Variants in KDM5B observed in about 807,000 individuals in gnomAD.
KDM5B encodes the protein lysine-specific demethylase 5B.
Under a neutral mutation model 193.4 loss-of-function variants are expected in KDM5B, and 144 were observed. The ratio of observed to expected loss-of-function variants is 0.74; its 90% CI spans 0.65 to 0.86. The LOEUF is 0.86. Among genes scored for constraint, KDM5B ranks in the 40% least tolerant of loss-of-function variants. KDM5B has a pLI of 0.00. For missense variants in KDM5B, 1,833 were observed against 1,886.9 expected (o/e 0.97, Z 0.53); for synonymous variants, 668 against 682.6 (o/e 0.98, Z 0.33).
At chr1:202,742,589 G>C in intron 17 of KDM5B, 66 bp downstream of exon 17, 1 of 1,604,848 alleles carries the variant, frequency 6.2e-7, no homozygotes, top group Non-Finnish European at 8.5e-7. Context: ...TTCAAGACAG[G>C]AGTCACAACA....
chr1:202,807,943 C>T (rs1352877000), intron 1 of KDM5B, among the ~76,000 whole-genome samples, 159 bp downstream of exon 1: 1 of 151,950 alleles, frequency 6.6e-6, no homozygotes, highest in African/African-American at 2.4e-5. Context: ...CCGTCTTCCT[C>T]CCCCGGCCTC....
chr1:202,774,914 G>A (rs1053276297), intron 2 of KDM5B, among the ~76,000 whole-genome samples, 179 bp from the exon 3 acceptor site: 1 of 152,026 alleles, frequency 6.6e-6, no homozygotes, highest in Admixed American at 6.6e-5. Flanking sequence ...GTGAGAAACG[G>A]CCAAAAATAC....
Position 202,808,138 on chromosome 1 carries a change from G to A in KDM5B, c.168C>T (p.Ala56=), listed in dbSNP as rs150129345. The A allele has an allele frequency of 4.2e-5, 67 of 1,612,640 alleles. No homozygotes were observed. The African/African-American group carries it at 5.9e-4, about 14-fold the overall frequency. ...FAFIHKIRPI[A]EQTGICKVRP... is the part of the protein sequence containing the mutation. ...GCACCTTACAGATGCCAGTCTGCTC[G>A]GCTATGGGCCGGATCTTGTGGATGA... The change falls in exon 1 of 27, where the codon GCC becomes GCT. Residue 56 remains alanine, a synonymous_variant. Transcript: ENST00000367265.
chr1:202,730,008 T>C lies in KDM5B; in HGVS notation c.4196A>G (p.Lys1399Arg), dbSNP rs1489148262. The C allele has an allele frequency of 6.2e-7, 1 of 1,611,314 alleles. No homozygotes were observed. The highest frequency in any genetic ancestry group is 8.5e-7 in the Non-Finnish European group (1 of 1,178,588). The change falls in exon 26 of 27, where the codon AAG (lysine) becomes AGG (arginine). Residue 1399 changes from lysine (K) to arginine (R), a missense_variant. Around this residue, in one of 3 missense-constraint regions of KDM5B, gnomAD observed 1,379 missense variants for 1,349.6 expected, o/e 1.02. Coordinates refer to ENST00000367265, the MANE Select transcript of KDM5B (RefSeq NM_006618.5). ...CTCAAGACTGTTAATTCCATCTCGCTTCCCTCGGCAACAGTCATTCTGGGT... is the reference window on the plus strand; with the variant it reads ...CTCAAGACTGTTAATTCCATCTCGCCTCCCTCGGCAACAGTCATTCTGGGT... ...SSEKNDCCRG[K>R]RDGINSLERK...
chr1:202,768,370 ATAGCAGC>A (rs1656562225), intron 4 of KDM5B, among the ~76,000 whole-genome samples: 1 of 152,194 alleles, frequency 6.6e-6, no homozygotes, highest in African/African-American at 2.4e-5. Flanking sequence ...AGGGTGTGTT[ATAGCAGC>A]TATATCTGGA....
chr1:202,801,226 A>G (rs1034085348), intron 1 of KDM5B, among the ~76,000 whole-genome samples: 2 of 151,390 alleles, frequency 1.3e-5, no homozygotes, highest in African/African-American at 4.8e-5. Context: ...CTGGCAGAAC[A>G]AAATGATTAG....
At chr1:202,730,882 T>C in intron 25 of KDM5B, 27 bp downstream of exon 25, 1 of 1,563,012 alleles carries the variant, frequency 6.4e-7, no homozygotes, top group Non-Finnish European at 8.7e-7. Flanking sequence ...GACTGTGCCT[T>C]GCCCCAGAAG....
chr1:202,751,516 C>T (rs997691285), intron 12 of KDM5B, among the ~76,000 whole-genome samples: 1 of 152,122 alleles, frequency 6.6e-6, no homozygotes, highest in Non-Finnish European at 1.5e-5. Flanking sequence ...CTACCCATCA[C>T]AGGAACACCA....
chr1:202,755,257 T>C lies in KDM5B; in HGVS notation c.1538+14A>G, dbSNP rs1655961873. 8 of 1,610,306 alleles carry C rather than the reference T, an allele frequency of 5.0e-6. No homozygotes were observed. The highest frequency in any genetic ancestry group is 1.7e-5 in the Admixed American group (1 of 59,890). On this transcript the variant is annotated intron_variant, in intron 11 of 26. Coordinates refer to ENST00000367265, the MANE Select transcript of KDM5B (RefSeq NM_006618.5). ...CATGCATACTACTCATGGGTTCTTT[T>C]TGGAACTTCTCACCAGTGCAAGTAG...
chr1:202,772,694 C>CT (rs796278655), intron 4 of KDM5B, among the ~76,000 whole-genome samples: 2,613 of 145,374 alleles, frequency 0.018, 60 homozygotes, highest in African/African-American at 0.055. Flanking sequence ...AAAACAAGGT[C>CT]TTTTTTTTTT....
intron 1 of KDM5B, among the ~76,000 whole-genome samples, chr1:202,794,135 CAG>C (rs1657747089): frequency 6.6e-6 from 1 of 152,164 alleles, no homozygotes; most frequent in Non-Finnish European, 1.5e-5. Flanking sequence ...ATAAAGATAA[CAG>C]AATACAAATC....
At chr1:202,771,673 C>A (rs1489446639) in intron 4 of KDM5B, among the ~76,000 whole-genome samples, 2 of 152,124 alleles carry the variant, frequency 1.3e-5, no homozygotes, top group African/African-American at 4.8e-5. Flanking sequence ...CCTCTGCCTC[C>A]TGGGTTCAAG....
chr1:202,730,130 C>T, intron 25 of KDM5B, 103 bp from the exon 26 acceptor site: 14 of 991,236 alleles, frequency 1.4e-5, no homozygotes, highest in Non-Finnish European at 2.0e-5. Flanking sequence ...GATGATCCCC[C>T]AATCTACACG....
rs1399559649 is a variant in KDM5B, at chr1:202,752,935, G to A, written c.1671C>T (p.Asn557=). The A allele has an allele frequency of 1.9e-6, 3 of 1,614,146 alleles. No individual in the cohort carries two copies. Among genetic ancestry groups the A allele is most frequent in the South Asian group, 1.1e-5 (1 of 91,082 alleles). Residue 557 remains asparagine (N), a synonymous_variant, in exon 12 of 27, where the codon AAC becomes AAT. Coordinates refer to ENST00000367265, the MANE Select transcript of KDM5B (RefSeq NM_006618.5). ...DLLHQLVTIM[N]PNTLMTHEVP... is the part of the protein sequence containing the mutation. ...CTTCATGAGTCATCAGGGTATTGGG[G>A]TTCATGATGGTCACAAGCTGATGGA...
In KDM5B at chr1:202,745,451, G is replaced by A. The variant is rs552363680; in HGVS notation, c.2323+407C>T. Among the ~76,000 whole-genome samples the A allele has an allele frequency of 4.6e-5, 7 of 152,312 alleles. No individual in the cohort carries two copies. In the South Asian group the frequency reaches 1.4e-3, roughly 32 times the overall value. On this transcript the variant is annotated intron_variant, in intron 16 of 26. Coordinates refer to ENST00000367265, the MANE Select transcript of KDM5B (RefSeq NM_006618.5). The stretch of plus-strand genomic sequence containing the variant: ...CCTTAACTTTAATTAGAACTAAGAA[G>A]TGATAAACTACCATTTCAGAGACTC...
intron 20 of KDM5B, among the ~76,000 whole-genome samples, chr1:202,740,317 C>T (rs1242710890): frequency 2.2e-5 from 3 of 135,390 alleles, no homozygotes; most frequent in Admixed American, 7.4e-5. Context: ...CGGGCAGAGG[C>T]GCCCCTCACC....
At chr1:202,791,952 C>T (rs773792117) in intron 1 of KDM5B, among the ~76,000 whole-genome samples, 4 of 152,072 alleles carry the variant, frequency 2.6e-5, no homozygotes, top group African/African-American at 4.8e-5. Context: ...CTACTGACCT[C>T]GTCTCAGCCT....
intron 19 of KDM5B, among the ~76,000 whole-genome samples, chr1:202,741,032 T>C (rs1055031590): frequency 6.6e-6 from 1 of 152,232 alleles, no homozygotes; most frequent in Non-Finnish European, 1.5e-5. Context: ...GGAACCGTAT[T>C]AACTGTGAGT....
rs1394851764 is a variant in KDM5B, at chr1:202,726,630, GT to G, written c.*2405del. 1 of 152,172 alleles carries G rather than the reference GT, an allele frequency of 6.6e-6. No individual in the cohort carries two copies. The highest frequency in any genetic ancestry group is 1.5e-5 in the Non-Finnish European group (1 of 68,030). The allele number at this position is 152,172 out of a possible 1,614,324, so 9.4% of individuals were successfully genotyped here. A position where few individuals can be genotyped will look rare whatever the true frequency, so the allele number is the denominator to read the frequency against. ...TACTGAGATGGAAACTGAAGTGTCA[GT>G]TTCCATGTGCATTTTATCATTTTCC... On this transcript the variant is annotated 3_prime_UTR_variant, in exon 27 of 27. Transcript: ENST00000367265.
Sources: gnomAD v4.1 joint callset for allele counts (sites outside exome capture counted in the v4.1 genomes callset) on GRCh38, gnomAD v4.1.1 for gene constraint, gnomAD v4.1.1 regional missense constraint, MANE v1.5 for transcripts, NCBI Gene and HGNC (gene_info 2026-07-23, HGNC 2026-07-21) for gene names.